The following DCHS2 variants were observed in gnomAD, a reference collection of about 807,000 sequenced individuals.
DCHS2 encodes the protein dachsous cadherin-related 2, also known as protocadherin-23.
In DCHS2, 142 loss-of-function variants were observed where a neutral mutation model predicts 182.4. The ratio of observed to expected loss-of-function variants is 0.78; its 90% confidence interval spans 0.68 to 0.89. The LOEUF is 0.89. Among genes scored for constraint, DCHS2 ranks in the 40% least tolerant of loss-of-function variants. The probability of loss-of-function intolerance (pLI) is 0.00; values close to 1 mark genes in which losing one functional copy is unlikely to be tolerated. For synonymous variants in DCHS2, 1,740 were observed against 1,663.3 expected, an observed-to-expected ratio of 1.05 and a Z score of -1.12; for missense variants, 4,319 against 4,198.6, an observed-to-expected ratio of 1.03 and a Z score of -0.79.
At chr4:154,408,493 T>G (rs1301727263) in intron 1 of DCHS2, among the ~76,000 whole-genome samples, 1 of 152,228 alleles carries the variant, frequency 6.6e-6, no homozygotes, top group East Asian at 1.9e-4. Flanking sequence ...ATAACTTATT[T>G]TTTAATTTAA....
At chr4:154,299,333 T>C (rs1220013293) in intron 12 of DCHS2, among the ~76,000 whole-genome samples, 1 of 152,250 alleles carries the variant, frequency 6.6e-6, no homozygotes, top group African/African-American at 2.4e-5. Context: ...TCTATTCATC[T>C]ATTCCTTAAA....
At chr4:154,327,699 C>CGTA (rs1192472778) in intron 7 of DCHS2, among the ~76,000 whole-genome samples, 2 of 152,102 alleles carry the variant, frequency 1.3e-5, no homozygotes. Flanking sequence ...TTACTCTGAC[C>CGTA]TTACAAGTAT....
chr4:154,274,168 G>A (rs1475278736), intron 13 of DCHS2, among the ~76,000 whole-genome samples: 1 of 152,094 alleles, frequency 6.6e-6, no homozygotes, highest in East Asian at 1.9e-4. Context: ...GAGGCTTCAG[G>A]ATGCTGAAGA....
intron 1 of DCHS2, among the ~76,000 whole-genome samples, chr4:154,473,464 T>C (rs1735557839): frequency 6.6e-6 from 1 of 152,212 alleles, no homozygotes; most frequent in African/African-American, 2.4e-5. Context: ...TATTATACAA[T>C]GCAGACAGGG....
At position 154,386,695 on chromosome 4, in the gene DCHS2, T is replaced by C. The variant is rs112538099; in HGVS notation, c.2053-9251A>G. Among the ~76,000 whole-genome samples the C allele has an allele frequency of 2.6e-5, 4 of 152,292 alleles. 1 individual carries two copies. The highest frequency in any genetic ancestry group is 9.6e-5 in the African/African-American group (4 of 41,568). On this transcript the variant is annotated intron_variant, in intron 1 of 19. Transcript: ENST00000357232. ...AGCCATAGCACTGGTGCCTAGTTCA[T>C]ATTGAGGTGCTAGAAATGTTTGTTG...
At chr4:154,379,374 T>A (rs538881731) in intron 1 of DCHS2, among the ~76,000 whole-genome samples, 5 of 152,294 alleles carry the variant, frequency 3.3e-5, no homozygotes, top group African/African-American at 9.6e-5. Flanking sequence ...CAAGGGAGGC[T>A]GAGAAAAGGA....
rs1735827889 is a variant in DCHS2, at chr4:154,315,757, T to C, written c.5251A>G (p.Arg1751Gly). ...EFVTRVEALDRDSGVNSKLQF... is the reference protein window; with the variant it reads ...EFVTRVEALDGDSGVNSKLQF... ...TGTATTTCTAAATTACCTGAATCTC[T>C]GTCCAGAGCTTCAACCCTGGTAACA... The change falls in exon 10 of 20, where the codon AGA (arginine) becomes GGA (glycine). Residue 1751 changes from arginine (R) to glycine (G), a missense_variant. By Grantham distance (125) the Arg-to-Gly change is moderately radical. Transcript: ENST00000357232. The C allele has an allele frequency of 1.2e-6, 2 of 1,613,262 alleles. No homozygotes were observed. The highest frequency in any genetic ancestry group is 3.3e-5 in the Admixed American group (2 of 59,946).
Position 154,237,161 on chromosome 4 carries a change from T to G in DCHS2, c.7493-2A>C, listed in dbSNP as rs1731570192. On this transcript the variant is annotated splice_acceptor_variant, in intron 19 of 19. Coordinates refer to ENST00000357232, the MANE Select transcript of DCHS2 (RefSeq NM_001358235.2). LOFTEE classifies it high-confidence loss of function. ...CGGGACTGATAGTAAATATTGTGCC[T>G]GAAAAATAAGACATAGTATTTCAAC... 2 of 1,600,412 alleles carry G rather than the reference T, an allele frequency of 1.2e-6. No individual in the cohort carries two copies. The highest frequency in any genetic ancestry group is 1.3e-5 in the African/African-American group (1 of 74,378).
intron 3 of DCHS2, chr4:154,343,379 C>A: frequency 8.1e-7 from 1 of 1,228,274 alleles, no homozygotes. Context: ...ATTGACTTCT[C>A]CTCTCTAGCT....
At chr4:154,419,223 C>T (rs1333911885) in intron 1 of DCHS2, among the ~76,000 whole-genome samples, 3 of 152,100 alleles carry the variant, frequency 2.0e-5, no homozygotes, top group African/African-American at 7.2e-5. Context: ...AAAGTCAGCA[C>T]AAAAATTATT....
intron 1 of DCHS2, among the ~76,000 whole-genome samples, chr4:154,447,156 G>A (rs1734335104): frequency 6.6e-6 from 1 of 152,134 alleles, no homozygotes; most frequent in African/African-American, 2.4e-5. Flanking sequence ...GCCGGACATG[G>A]TGGTGCACTC....
At chr4:154,456,761 C>T (rs1353565451) in intron 1 of DCHS2, among the ~76,000 whole-genome samples, 1 of 152,060 alleles carries the variant, frequency 6.6e-6, no homozygotes, top group Non-Finnish European at 1.5e-5. Flanking sequence ...AGGTAAAGGG[C>T]ATGAGGTTAG....
At chr4:154,288,395 C>T (rs1410314444) in intron 13 of DCHS2, among the ~76,000 whole-genome samples, 1 of 152,066 alleles carries the variant, frequency 6.6e-6, no homozygotes, top group Non-Finnish European at 1.5e-5. Flanking sequence ...ATGCACCCAC[C>T]ACTGGAGGAC....
intron 13 of DCHS2, among the ~76,000 whole-genome samples, chr4:154,277,704 C>A (rs1211540542): frequency 3.3e-5 from 5 of 150,252 alleles, no homozygotes; most frequent in East Asian, 2.0e-4. Context: ...TAAAACAAAT[C>A]TCCAGGTGCT....
At chr4:154,275,791 A>G (rs1476483246) in intron 13 of DCHS2, among the ~76,000 whole-genome samples, 1 of 152,218 alleles carries the variant, frequency 6.6e-6, no homozygotes, top group Non-Finnish European at 1.5e-5. Flanking sequence ...CAATTACAAA[A>G]GAAAACATAG....
chr4:154,482,057 A>G (rs1735942047), intron 1 of DCHS2, among the ~76,000 whole-genome samples: 1 of 152,244 alleles, frequency 6.6e-6, no homozygotes, highest in Non-Finnish European at 1.5e-5. Flanking sequence ...AATTCAAAAC[A>G]GAATTATTGA....
chr4:154,486,679 T>C (rs562003567), intron 1 of DCHS2, among the ~76,000 whole-genome samples: 1 of 152,128 alleles, frequency 6.6e-6, no homozygotes, highest in South Asian at 2.1e-4. Context: ...TAAAGAAAGA[T>C]TGAGAGAGTA....
rs146195485 is a variant in DCHS2 at position 154,259,193 on chromosome 4, C to T, written c.6789+352G>A. ...TCCTTATTCTATGAAGTCTTACACT[C>T]CTCCTTCAGGAGGAGGCTGTGTCTC... On this transcript the variant is annotated intron_variant, in intron 15 of 19. Transcript: ENST00000357232. Among the ~76,000 whole-genome samples the T allele has an allele frequency of 5.9e-4, 90 of 152,218 alleles. No individual in the cohort carries two copies. The East Asian group carries it at 7.3e-3, about 12-fold the overall frequency.
intron 1 of DCHS2, among the ~76,000 whole-genome samples, chr4:154,479,385 GA>G (rs59323980): frequency 2.0e-5 from 3 of 151,618 alleles, no homozygotes; most frequent in Admixed American, 6.6e-5. Flanking sequence ...GAATAGAGCA[GA>G]AAAAAATATT....
Sources: allele counts gnomAD v4.1 joint callset (sites outside exome capture counted in the v4.1 genomes callset), GRCh38; gene constraint gnomAD v4.1.1; transcripts MANE v1.5; gene names NCBI Gene and HGNC (gene_info 2026-07-23, HGNC 2026-07-21).